The following SEMA5A variants were observed in gnomAD, a reference collection of about 807,000 sequenced individuals.
The protein encoded by SEMA5A is semaphorin-5A.
Under a neutral mutation model 135.5 loss-of-function variants are expected in SEMA5A, and 55 were observed. The observed-to-expected ratio is 0.41, with a 90% CI of 0.33 to 0.51. The LOEUF is 0.51. Among genes scored for constraint, SEMA5A ranks in the 20% least tolerant of loss-of-function variants. SEMA5A has a pLI of 0.37. For missense variants in SEMA5A, 1,290 were observed against 1,419.9 expected, an observed-to-expected ratio of 0.91 and a Z score of 1.47; for synonymous variants, 580 against 546.5, an observed-to-expected ratio of 1.06 and a Z score of -0.85.
intron 22 of SEMA5A, among the ~76,000 whole-genome samples, chr5:9,043,482 T>G (rs1736072810): frequency 6.6e-6 from 1 of 152,240 alleles, no homozygotes; most frequent in Admixed American, 6.5e-5. Flanking sequence ...GCCTCAGGTT[T>G]CAAATGCCTT....
At chr5:9,124,493 G>T (rs1740999223) in intron 13 of SEMA5A, among the ~76,000 whole-genome samples, 1 of 152,120 alleles carries the variant, frequency 6.6e-6, no homozygotes, top group Non-Finnish European at 1.5e-5. Flanking sequence ...GTCTCGCTCT[G>T]TTGCCCAGGC....
At chr5:9,441,781 A>T (rs1193862453) in intron 1 of SEMA5A, among the ~76,000 whole-genome samples, 1 of 152,290 alleles carries the variant, frequency 6.6e-6, no homozygotes, top group Non-Finnish European at 1.5e-5. Context: ...GACTACCTGC[A>T]AGATCACTCA....
chr5:9,363,757 T>C (rs532237704), intron 3 of SEMA5A, among the ~76,000 whole-genome samples: 3 of 152,276 alleles, frequency 2.0e-5, no homozygotes, highest in African/African-American at 7.2e-5. Flanking sequence ...ATTTCTTGCC[T>C]CCCCTAAACA....
intron 15 of SEMA5A, 82 bp downstream of exon 15, chr5:9,118,916 A>G (rs1740658332): frequency 2.6e-6 from 4 of 1,536,316 alleles, no homozygotes; most frequent in Non-Finnish European, 3.5e-6. Flanking sequence ...CAGATCCAAA[A>G]CTAAAACCGC....
intron 11 of SEMA5A, among the ~76,000 whole-genome samples, chr5:9,178,635 G>A (rs1744340052): frequency 6.6e-6 from 1 of 152,000 alleles, no homozygotes; most frequent in South Asian, 2.1e-4. Flanking sequence ...AGCCAGATAA[G>A]CTCTCTTTTA....
At chr5:9,088,122 C>A (rs1178615440) in intron 16 of SEMA5A, among the ~76,000 whole-genome samples, 8 of 152,042 alleles carry the variant, frequency 5.3e-5, no homozygotes, top group African/African-American at 1.7e-4. Flanking sequence ...TTCTGCCCAA[C>A]ATGGTGAAAC....
chr5:9,353,161 G>GGAAAGGAAAGGAAAGGAAAGGAAAT, intron 3 of SEMA5A, among the ~76,000 whole-genome samples: 1 of 56,858 alleles, frequency 1.8e-5, no homozygotes, highest in Non-Finnish European at 3.1e-5. Flanking sequence ...GGAAAGGAAA[G>GGAAAGGAAAGGAAAGGAAAGGAAAT]GAGGGAAAGG....
chr5:9,503,799 G>T (rs866673794), intron 1 of SEMA5A, among the ~76,000 whole-genome samples: 13 of 152,296 alleles, frequency 8.5e-5, no homozygotes, highest in African/African-American at 3.1e-4. Context: ...TTAAGTCATA[G>T]ATTTATTTAA....
chr5:9,122,809 A>G lies in SEMA5A; in HGVS notation c.1628T>C (p.Phe543Ser). The change falls in exon 14 of 23, where the codon TTT (phenylalanine) becomes TCT (serine). Residue 543 changes from phenylalanine to serine, a missense_variant. Phe to Ser is a radical substitution (Grantham distance 155). This residue lies in a region of SEMA5A where 1,029 missense variants were observed against 1,086.6 expected (regional missense o/e 0.95). Transcript: ENST00000382496. ...PTRNLTVDGH[F>S]GVWSPWTPCT... ...AGGCGTCCACGGAGACCACACACCA[A>G]AGTGCCCATCCACGGTGAGATTCCT... 6.2e-7 allele frequency: 1 copy of G among 1,607,896 alleles called. No homozygotes were observed. Among genetic ancestry groups the G allele is most frequent in the South Asian group, 1.1e-5 (1 of 90,306 alleles).
rs1737035679 is a variant in SEMA5A at position 9,524,802 on chromosome 5, C to A, written c.-175+20782G>T. Among the ~76,000 whole-genome samples the A allele has an allele frequency of 3.3e-5, 5 of 152,152 alleles. No individual in the cohort carries two copies. In the South Asian group the frequency reaches 1.0e-3, roughly 32 times the overall value. On this transcript the variant is annotated intron_variant, in intron 1 of 22. Coordinates refer to ENST00000382496, the MANE Select transcript of SEMA5A (RefSeq NM_003966.3). ...TAAACACTTTTTTTGGGTGACTTGA[C>A]AAATATTTAATGAACTATTAGTTTT...
At chr5:9,112,979 T>C (rs1579416447) in intron 15 of SEMA5A, among the ~76,000 whole-genome samples, 1 of 152,172 alleles carries the variant, frequency 6.6e-6, no homozygotes, top group South Asian at 2.1e-4. Flanking sequence ...AGCAAGAAAC[T>C]GAGGCCCTCA....
chr5:9,343,436 AG>A lies in SEMA5A; in HGVS notation c.125-5625del, dbSNP rs537381247. ...AAAGAGCTGTGTCTTCACCTCCTCAAGATGGGAACCTTCTGTGAGCAGCACA... is the reference window on the plus strand; with the variant it reads ...AAAGAGCTGTGTCTTCACCTCCTCAAATGGGAACCTTCTGTGAGCAGCACA... On this transcript the variant is annotated intron_variant, in intron 3 of 22. Transcript: ENST00000382496. 1.9e-3 allele frequency among the ~76,000 whole-genome samples: 290 copies of A among 152,272 alleles called. 1 individual carries two copies. The highest frequency in any genetic ancestry group is 5.0e-3 in the Admixed American group (76 of 15,296).
intron 3 of SEMA5A, among the ~76,000 whole-genome samples, chr5:9,341,685 T>A (rs868414923): frequency 2.9e-3 from 430 of 147,776 alleles, no homozygotes; most frequent in African/African-American, 9.8e-3. Context: ...TATATATATA[T>A]AAAATTGGAA....
intron 4 of SEMA5A, 84 bp downstream of exon 4, chr5:9,337,629 T>C (rs377534355): frequency 4.9e-6 from 4 of 815,790 alleles, no homozygotes; most frequent in Non-Finnish European, 6.2e-6. Flanking sequence ...TTCTTCAGTT[T>C]TGTCAGTGAA....
chr5:9,175,440 G>C (rs920429793), intron 11 of SEMA5A, among the ~76,000 whole-genome samples: 1 of 152,114 alleles, frequency 6.6e-6, no homozygotes, highest in Non-Finnish European at 1.5e-5. Context: ...GAGATGGCTA[G>C]AGGGGTGCAA....
At chr5:9,389,758 T>C (rs1756069387) in intron 2 of SEMA5A, among the ~76,000 whole-genome samples, 1 of 152,204 alleles carries the variant, frequency 6.6e-6, no homozygotes, top group Non-Finnish European at 1.5e-5. Flanking sequence ...TCCCAACCCT[T>C]AAGCATCACT....
At chr5:9,371,154 G>A (rs900348126) in intron 3 of SEMA5A, among the ~76,000 whole-genome samples, 44 of 151,900 alleles carry the variant, frequency 2.9e-4, no homozygotes, top group Admixed American at 2.2e-3. Context: ...TCCCTATTGA[G>A]ATAAATCAAC....
At chr5:9,319,666 C>G (rs3777325) in intron 4 of SEMA5A, among the ~76,000 whole-genome samples, 24,921 of 151,940 alleles carry the variant, frequency 0.16, 2,352 homozygotes, top group African/African-American at 0.25. Context: ...ATGTCAAGAA[C>G]ATGCTGGCAC....
At chr5:9,399,516 T>A (rs1333126182) in intron 2 of SEMA5A, among the ~76,000 whole-genome samples, 1 of 152,204 alleles carries the variant, frequency 6.6e-6, no homozygotes, top group Non-Finnish European at 1.5e-5. Context: ...TCTGGGGTCA[T>A]CAGAATGTTC....
Sources: gnomAD v4.1 joint callset for allele counts (sites outside exome capture counted in the v4.1 genomes callset) on GRCh38, gnomAD v4.1.1 for gene constraint, gnomAD v4.1.1 regional missense constraint, MANE v1.5 for transcripts, NCBI Gene and HGNC (gene_info 2026-07-23, HGNC 2026-07-21) for gene names.